SDK1: variants seen among roughly 807,000 people sequenced by gnomAD.
The protein encoded by SDK1 is sidekick cell adhesion molecule 1.
SDK1 carries 157 observed loss-of-function variants against 245.5 expected under a neutral mutation model. That is an observed-to-expected ratio of 0.64 (90% CI 0.56 to 0.73). SDK1 has a LOEUF of 0.73. Ranked by LOEUF, SDK1 falls within the 30% of genes least tolerant of loss-of-function variation. The probability of loss-of-function intolerance (pLI) is 0.00; values close to 1 mark genes in which losing one functional copy is unlikely to be tolerated. For synonymous variants in SDK1, 1,647 were observed against 1,278.5 expected (o/e 1.29, Z -6.15); for missense variants, 3,583 against 3,002.3 (o/e 1.19, Z -4.52).
chr7:3,595,828 C>CAAAAA (rs35037283), intron 1 of SDK1, among the ~76,000 whole-genome samples: 28 of 54,028 alleles, frequency 5.2e-4, no homozygotes, highest in Non-Finnish European at 6.3e-4. Flanking sequence ...GACTTCATCT[C>CAAAAA]AAAAAAAAAA....
intron 1 of SDK1, among the ~76,000 whole-genome samples, chr7:3,586,955 G>A (rs949202591): frequency 6.6e-6 from 1 of 152,166 alleles, no homozygotes; most frequent in African/African-American, 2.4e-5. Context: ...AGTGCATACA[G>A]AGTGAGCAGG....
intron 1 of SDK1, among the ~76,000 whole-genome samples, chr7:3,359,588 A>T (rs979412103): frequency 2.0e-5 from 3 of 151,918 alleles, no homozygotes; most frequent in Admixed American, 6.5e-5. Flanking sequence ...CATTTTGGAT[A>T]CCTCCTCTAA....
intron 1 of SDK1, among the ~76,000 whole-genome samples, chr7:3,380,670 A>G (rs1781464094): frequency 6.6e-6 from 1 of 152,190 alleles, no homozygotes; most frequent in African/African-American, 2.4e-5. Flanking sequence ...GAGCTATGTC[A>G]TTAAGGAGAC....
At chr7:4,113,994 G>C (rs762577596) in intron 24 of SDK1, 43 bp from the exon 25 acceptor site, 3 of 1,558,808 alleles carry the variant, frequency 1.9e-6, no homozygotes, top group Non-Finnish European at 2.6e-6. Flanking sequence ...GAGGGTGGCA[G>C]TTCTGAGATG....
chr7:3,628,868 G>A (rs1034549541), intron 2 of SDK1, among the ~76,000 whole-genome samples: 1 of 152,150 alleles, frequency 6.6e-6, no homozygotes, highest in African/African-American at 2.4e-5. Context: ...TTACTGCCTT[G>A]AGGGGATTTC....
At chr7:3,911,388 A>C (rs1279846469) in intron 5 of SDK1, among the ~76,000 whole-genome samples, 7 of 152,258 alleles carry the variant, frequency 4.6e-5, no homozygotes, top group Admixed American at 2.6e-4. Flanking sequence ...TACTGCTCAC[A>C]GTTCTGGAGG....
chr7:4,177,593 A>G (rs1458808260), intron 34 of SDK1, among the ~76,000 whole-genome samples: 2 of 152,212 alleles, frequency 1.3e-5, no homozygotes, highest in African/African-American at 4.8e-5. Flanking sequence ...ATTCTGAACC[A>G]AAAGGCAGGC....
chr7:3,574,036 G>A (rs1363925780), intron 1 of SDK1, among the ~76,000 whole-genome samples: 2 of 151,806 alleles, frequency 1.3e-5, no homozygotes, highest in African/African-American at 4.8e-5. Flanking sequence ...GATAGGTTGG[G>A]TGTTGAAGAA....
rs62439619 is a variant in SDK1, at chr7:4,075,943, G to A, written c.3011-1055G>A. On this transcript the variant is annotated intron_variant, in intron 20 of 44. Coordinates refer to ENST00000404826, the MANE Select transcript of SDK1 (RefSeq NM_152744.4). Reference sequence around the variant, plus strand: ...GCTGGGATTACAGGTGTGAGCCACCGTGCCCCGCAGGTCTTTTTTCTCTAA... The same window carrying A: ...GCTGGGATTACAGGTGTGAGCCACCATGCCCCGCAGGTCTTTTTTCTCTAA... Among the ~76,000 whole-genome samples, 403 of 152,236 alleles carry A rather than the reference G, an allele frequency of 2.6e-3. 1 individual carries two copies. Among genetic ancestry groups the A allele is most frequent in the Middle Eastern group, 6.8e-3 (2 of 294 alleles).
chr7:3,931,003 T>A (rs1779957368), intron 5 of SDK1, among the ~76,000 whole-genome samples: 1 of 152,236 alleles, frequency 6.6e-6, no homozygotes, highest in Admixed American at 6.5e-5. Flanking sequence ...TTTTTATTTA[T>A]GTAAATAATA....
intron 1 of SDK1, among the ~76,000 whole-genome samples, chr7:3,490,900 C>T (rs559273258): frequency 6.6e-6 from 1 of 152,268 alleles, no homozygotes; most frequent in Admixed American, 6.5e-5. Context: ...ATTTTCCTTG[C>T]CCTCCACAGA....
At chr7:3,606,978 A>G (rs1001804124) in intron 1 of SDK1, among the ~76,000 whole-genome samples, 6 of 152,184 alleles carry the variant, frequency 3.9e-5, no homozygotes, top group Non-Finnish European at 8.8e-5. Context: ...CTAATAAAGA[A>G]ATAATACTAC....
intron 24 of SDK1, 61 bp from the exon 25 acceptor site, chr7:4,113,975 AC>A: frequency 7.0e-7 from 1 of 1,436,180 alleles, no homozygotes; most frequent in Non-Finnish European, 9.7e-7. Flanking sequence ...CCCATCCCTT[AC>A]AACCCGTGAG....
chr7:4,081,337 A>AG (rs1781046335), intron 22 of SDK1, among the ~76,000 whole-genome samples: 1 of 151,978 alleles, frequency 6.6e-6, no homozygotes. Flanking sequence ...CTCATCTGGG[A>AG]GGGAAAGACA....
chr7:3,319,699 G>T (rs185839614), intron 1 of SDK1, among the ~76,000 whole-genome samples: 2 of 152,138 alleles, frequency 1.3e-5, no homozygotes, highest in Admixed American at 6.5e-5. Flanking sequence ...TCTCTGGTCT[G>T]TTTATTGCCA....
chr7:3,885,072 A>G (rs1456455637), intron 5 of SDK1, among the ~76,000 whole-genome samples: 1 of 151,920 alleles, frequency 6.6e-6, no homozygotes, highest in African/African-American at 2.4e-5. Flanking sequence ...CCTGGGGACT[A>G]TGGCTAAGGG....
At chr7:3,335,820 A>G (rs1025748516) in intron 1 of SDK1, among the ~76,000 whole-genome samples, 13 of 152,172 alleles carry the variant, frequency 8.5e-5, no homozygotes, top group Admixed American at 2.6e-4. Context: ...TGGGCCAGAG[A>G]TTTACTGTCT....
chr7:3,405,475 T>C (rs889388354), intron 1 of SDK1, among the ~76,000 whole-genome samples: 13 of 152,228 alleles, frequency 8.5e-5, no homozygotes, highest in African/African-American at 2.7e-4. Flanking sequence ...TTTGAATGTA[T>C]ATGCTTTTAC....
At chr7:3,411,806 T>C (rs1779215541) in intron 1 of SDK1, among the ~76,000 whole-genome samples, 1 of 152,196 alleles carries the variant, frequency 6.6e-6, no homozygotes. Context: ...TTCTGGAGTT[T>C]AATTTGTTTA....
Sources: allele counts gnomAD v4.1 joint callset (sites outside exome capture counted in the v4.1 genomes callset), GRCh38; gene constraint gnomAD v4.1.1; transcripts MANE v1.5; gene names NCBI Gene and HGNC (gene_info 2026-07-23, HGNC 2026-07-21).